CDKN2B: variants seen among roughly 807,000 people sequenced by gnomAD.
CDKN2B encodes the protein cyclin dependent kinase inhibitor 2B.
In CDKN2B, 8 loss-of-function variants were observed where a neutral mutation model predicts 7.7. That is an observed-to-expected ratio of 1.04 (90% confidence interval 0.61 to 1.87). The LOEUF is 1.87. CDKN2B is among the 40% of genes most tolerant of loss of function. CDKN2B has a pLI of 0.00. For missense variants in CDKN2B, 244 were observed against 213.1 expected, an observed-to-expected ratio of 1.15 and a Z score of -0.90; for synonymous variants, 93 against 95.8, an observed-to-expected ratio of 0.97 and a Z score of 0.17.
In CDKN2B at chr9:22,003,859, G is replaced by A. The variant is rs918504051; in HGVS notation, c.*2128C>T. ...AAAGCCACCTTAGGAGCTTACAAGGGAGATCATTGTGTATTTCTGCTTTTT... is the reference window on the plus strand; with the variant it reads ...AAAGCCACCTTAGGAGCTTACAAGGAAGATCATTGTGTATTTCTGCTTTTT... On this transcript the variant is annotated 3_prime_UTR_variant, in exon 2 of 2. Coordinates refer to ENST00000276925, the MANE Select transcript of CDKN2B (RefSeq NM_004936.4). 4.3e-6 allele frequency: 1 copy of A among 232,194 alleles called. No homozygotes were observed. The highest frequency in any genetic ancestry group is 8.5e-6 in the Non-Finnish European group (1 of 117,540). 14.4% of individuals were successfully genotyped at this position (232,194 alleles called of 1,614,324 possible).
intron 1 of CDKN2B, chr9:22,008,587 C>G: frequency 7.0e-7 from 1 of 1,419,008 alleles, no homozygotes; most frequent in Non-Finnish European, 9.5e-7. Flanking sequence ...ACAAAAACCA[C>G]TAAAAAAAGC....
chr9:22,008,768 C>A, intron 1 of CDKN2B, 30 bp downstream of exon 1: 1 of 1,609,582 alleles, frequency 6.2e-7, no homozygotes, highest in Non-Finnish European at 8.5e-7. Flanking sequence ...CGCGCGCCCC[C>A]TGCCGGCGAG....
At chr9:22,008,110 G>A (rs1272770899) in intron 1 of CDKN2B, among the ~76,000 whole-genome samples, 1 of 152,196 alleles carries the variant, frequency 6.6e-6, no homozygotes, top group Non-Finnish European at 1.5e-5. Context: ...TTTTAACAAT[G>A]AAGATAAAGA....
rs1433964368 is a variant in CDKN2B, at chr9:22,004,708, T to C, written c.*1279A>G. The C allele has an allele frequency of 1.3e-5, 3 of 232,804 alleles. No individual in the cohort carries two copies. Among genetic ancestry groups the C allele is most frequent in the African/African-American group, 6.6e-5 (3 of 45,344 alleles). The allele number at this position is 232,804 out of a possible 1,614,324, so 14.4% of individuals were successfully genotyped here. On this transcript the variant is annotated 3_prime_UTR_variant, in exon 2 of 2. Transcript: ENST00000276925. ...TAGTAGGACATCCCACGAGCCATCA[T>C]ATATTTTCAAGTTTTTATACTCAAT...
At position 22,005,186 on chromosome 9, in the gene CDKN2B, C is replaced by G. The variant is rs1821108568; in HGVS notation, c.*801G>C. On this transcript the variant is annotated 3_prime_UTR_variant, in exon 2 of 2. Coordinates refer to ENST00000276925, the MANE Select transcript of CDKN2B (RefSeq NM_004936.4). This position sits in a 1 kb window ranked among gnomAD's most constrained non-coding sequence, Gnocchi z 4.9. ...AACCGTTACAATTGCTCTCACTCCA[C>G]TCCACCACCTCATCCTGTGTAGTCT... 8.6e-6 allele frequency: 2 copies of G among 233,490 alleles called. No individual in the cohort carries two copies. The highest frequency in any genetic ancestry group is 1.7e-5 in the Non-Finnish European group (2 of 118,328). 14.5% of individuals were successfully genotyped at this position (233,490 alleles called of 1,614,324 possible).
At position 22,003,350 on chromosome 9, in the gene CDKN2B, T is replaced by C; in HGVS notation, c.*2637A>G. ...GTGGGATCCACAATAACATTTTCTT[T>C]AGTTTCCCTTAATATCAGGTTGTCA... On this transcript the variant is annotated 3_prime_UTR_variant, in exon 2 of 2. Transcript: ENST00000276925. The C allele has an allele frequency of 4.5e-6, 1 of 223,886 alleles. No homozygotes were observed. Among genetic ancestry groups the C allele is most frequent in the Non-Finnish European group, 8.9e-6 (1 of 112,350 alleles). 13.9% of individuals were successfully genotyped at this position (223,886 alleles called of 1,614,324 possible). A position where few individuals can be genotyped will look rare whatever the true frequency, so the allele number is the denominator to read the frequency against.
Position 22,004,264 on chromosome 9 carries a change from T to G in CDKN2B, c.*1723A>C, listed in dbSNP as rs1821060346. 1 of 232,564 alleles carries G rather than the reference T, an allele frequency of 4.3e-6. No homozygotes were observed. The highest frequency in any genetic ancestry group is 8.5e-6 in the Non-Finnish European group (1 of 117,676). The allele number at this position is 232,564 out of a possible 1,614,324, so 14.4% of individuals were successfully genotyped here. ...GGTAGAGAAGTAAAGATTTGTGTAT[T>G]CAACTCAAATGTACTCCTTCTTATA... On this transcript the variant is annotated 3_prime_UTR_variant, in exon 2 of 2. Coordinates refer to ENST00000276925, the MANE Select transcript of CDKN2B (RefSeq NM_004936.4).
rs1380042367 is a variant in CDKN2B, at chr9:22,004,475, G to A, written c.*1512C>T. 4.3e-6 allele frequency: 1 copy of A among 232,486 alleles called. No individual in the cohort carries two copies. The highest frequency in any genetic ancestry group is 8.5e-6 in the Non-Finnish European group (1 of 117,688). 14.4% of individuals were successfully genotyped at this position (232,486 alleles called of 1,614,324 possible). A position where few individuals can be genotyped will look rare whatever the true frequency, so the allele number is the denominator to read the frequency against. On this transcript the variant is annotated 3_prime_UTR_variant, in exon 2 of 2. Transcript: ENST00000276925. Reference sequence around the variant, plus strand: ...GCAATTATTACAAACATTGAGAGAAGGGAACCCCTGTGAACCTTTAACATT... The same window carrying A: ...GCAATTATTACAAACATTGAGAGAAAGGAACCCCTGTGAACCTTTAACATT...
At position 22,008,831 on chromosome 9, in the gene CDKN2B, G is replaced by C; in HGVS notation, c.123C>G (p.Asn41Lys). ...RQLLEAGADPNGVNRFGRRAI... is the reference protein window; with the variant it reads ...RQLLEAGADPKGVNRFGRRAI... Reference sequence around the variant, plus strand: ...CGCGCCTCCCGAAACGGTTGACTCCGTTGGGATCCGCGCCGGCTTCCAGGA... The same window carrying C: ...CGCGCCTCCCGAAACGGTTGACTCCCTTGGGATCCGCGCCGGCTTCCAGGA... The change falls in exon 1 of 2, where the codon AAC becomes AAG. Residue 41 changes from asparagine to lysine, a missense_variant. Coordinates refer to ENST00000276925, the MANE Select transcript of CDKN2B (RefSeq NM_004936.4). The C allele has an allele frequency of 6.2e-7, 1 of 1,608,466 alleles. No homozygotes were observed. Among genetic ancestry groups the C allele is most frequent in the Non-Finnish European group, 8.5e-7 (1 of 1,177,714 alleles).
At position 22,004,900 on chromosome 9, in the gene CDKN2B, G is replaced by C. The variant is rs1821088793; in HGVS notation, c.*1087C>G. ...TTTAACAAAGAAATAAATAGGTTAA[G>C]AAGAAAGCAATCTAGGCGTTTGCAC... On this transcript the variant is annotated 3_prime_UTR_variant, in exon 2 of 2. Transcript: ENST00000276925. 1 of 233,268 alleles carries C rather than the reference G, an allele frequency of 4.3e-6. No homozygotes were observed. Among genetic ancestry groups the C allele is most frequent in the East Asian group, 6.0e-5 (1 of 16,578 alleles). The allele number at this position is 233,268 out of a possible 1,614,324, so 14.4% of individuals were successfully genotyped here. A position where few individuals can be genotyped will look rare whatever the true frequency, so the allele number is the denominator to read the frequency against.
chr9:22,005,871 GCAGGCTTA>G lies in CDKN2B; in HGVS notation c.*108_*115del, dbSNP rs1284322799. 15 of 1,376,274 alleles carry G rather than the reference GCAGGCTTA, an allele frequency of 1.1e-5. No homozygotes were observed. The highest frequency in any genetic ancestry group is 1.4e-5 in the Non-Finnish European group (14 of 1,003,776). 85.3% of individuals were successfully genotyped at this position (1,376,274 alleles called of 1,614,324 possible). On this transcript the variant is annotated 3_prime_UTR_variant, in exon 2 of 2. Transcript: ENST00000276925. The surrounding 1 kb of genome is among the most constrained non-coding windows in gnomAD (Gnocchi z 4.9). The stretch of plus-strand genomic sequence containing the variant: ...CTTCCTGTGAGTCTCAGACAGGCTT[GCAGGCTTA>G]CAGGCTTTCCGCCGCTCCCCGTTGG...
Position 22,005,788 on chromosome 9 carries a change from G to A in CDKN2B, c.*199C>T. 1 of 666,072 alleles carries A rather than the reference G, an allele frequency of 1.5e-6. No individual in the cohort carries two copies. The highest frequency in any genetic ancestry group is 1.8e-5 in the South Asian group (1 of 55,470). 41.3% of individuals were successfully genotyped at this position (666,072 alleles called of 1,614,324 possible). The stretch of plus-strand genomic sequence containing the variant: ...TGTGTTTCGCTTCATGGTGAGTGTC[G>A]AGGGCCAGATAAGACAAAGAAAAAA... On this transcript the variant is annotated 3_prime_UTR_variant, in exon 2 of 2. Coordinates refer to ENST00000276925, the MANE Select transcript of CDKN2B (RefSeq NM_004936.4). This position sits in a 1 kb window ranked among gnomAD's most constrained non-coding sequence, Gnocchi z 4.9.
chr9:22,008,629 A>C (rs1379301504), intron 1 of CDKN2B, 169 bp downstream of exon 1: 1 of 1,581,208 alleles, frequency 6.3e-7, no homozygotes, highest in Non-Finnish European at 8.6e-7. Flanking sequence ...GTCTCTCTTT[A>C]GGATTTTTGC....
In CDKN2B at chr9:22,008,822, G is replaced by A. The variant is rs2131190028; in HGVS notation, c.132C>T (p.Asn44=). The A allele has an allele frequency of 1.2e-6, 2 of 1,607,232 alleles. No individual in the cohort carries two copies. Among genetic ancestry groups the A allele is most frequent in the Non-Finnish European group, 8.5e-7 (1 of 1,176,960 alleles). The part of the protein sequence containing the change: ...LEAGADPNGV[N]RFGRRAIQVM... ...CCTGGATCGCGCGCCTCCCGAAACG[G>A]TTGACTCCGTTGGGATCCGCGCCGG... The change falls in exon 1 of 2, where the codon AAC becomes AAT. Residue 44 remains asparagine (N), a synonymous_variant. Coordinates refer to ENST00000276925, the MANE Select transcript of CDKN2B (RefSeq NM_004936.4).
rs1587374331 is a variant in CDKN2B at position 22,003,059 on chromosome 9, G to T, written c.*2928C>A. 1 of 212,504 alleles carries T rather than the reference G, an allele frequency of 4.7e-6. No homozygotes were observed. Among genetic ancestry groups the T allele is most frequent in the East Asian group, 7.1e-5 (1 of 14,076 alleles). The allele number at this position is 212,504 out of a possible 1,614,324, so 13.2% of individuals were successfully genotyped here. On this transcript the variant is annotated 3_prime_UTR_variant, in exon 2 of 2. Coordinates refer to ENST00000276925, the MANE Select transcript of CDKN2B (RefSeq NM_004936.4). Reference sequence around the variant, plus strand: ...TATTCCACAATGGAGCTAGAAGCAGGACTCATGAAAATAGTAACTATATGT... The same window carrying T: ...TATTCCACAATGGAGCTAGAAGCAGTACTCATGAAAATAGTAACTATATGT...
intron 1 of CDKN2B, among the ~76,000 whole-genome samples, chr9:22,008,281 T>C (rs996105062): frequency 6.6e-6 from 1 of 152,194 alleles, no homozygotes; most frequent in African/African-American, 2.4e-5. Context: ...ACTGCTAACA[T>C]AAAAGGAACT....
At position 22,003,988 on chromosome 9, in the gene CDKN2B, G is replaced by A. The variant is rs2131174211; in HGVS notation, c.*1999C>T. ...ACCATAATCAGCTGTGGAACTAGAT[G>A]CACTTCTTTGTGCATCCATGGAATG... On this transcript the variant is annotated 3_prime_UTR_variant, in exon 2 of 2. Transcript: ENST00000276925. The A allele has an allele frequency of 8.6e-6, 2 of 232,756 alleles. No individual in the cohort carries two copies. The highest frequency in any genetic ancestry group is 3.6e-4 in the South Asian group (2 of 5,524). 14.4% of individuals were successfully genotyped at this position (232,756 alleles called of 1,614,324 possible).
rs958270035 is a variant in CDKN2B at position 22,009,051 on chromosome 9, C to T, written c.-98G>A. Reference sequence around the variant, plus strand: ...CTTTCCCACGCTGCTCCGGCGCACTCTCTCCTTCCTAGGAGACCTGGGCTC... The same window carrying T: ...CTTTCCCACGCTGCTCCGGCGCACTTTCTCCTTCCTAGGAGACCTGGGCTC... On this transcript the variant is annotated 5_prime_UTR_variant, in exon 1 of 2. Coordinates refer to ENST00000276925, the MANE Select transcript of CDKN2B (RefSeq NM_004936.4). 7 of 1,566,730 alleles carry T rather than the reference C, an allele frequency of 4.5e-6. No individual in the cohort carries two copies. In the African/African-American group the frequency reaches 6.7e-5, roughly 15 times the overall value.
In CDKN2B at chr9:22,003,307, A is replaced by C. The variant is rs1563911045; in HGVS notation, c.*2680T>G. The C allele has an allele frequency of 9.1e-6, 2 of 220,792 alleles. No homozygotes were observed. Among genetic ancestry groups the C allele is most frequent in the East Asian group, 1.4e-4 (2 of 14,716 alleles). The allele number at this position is 220,792 out of a possible 1,614,324, so 13.7% of individuals were successfully genotyped here. The stretch of plus-strand genomic sequence containing the variant: ...AAAACTAACAAAACAAACAAAAAAA[A>C]CAGTGTAATATAGTACTGTGGGATC... On this transcript the variant is annotated 3_prime_UTR_variant, in exon 2 of 2. Coordinates refer to ENST00000276925, the MANE Select transcript of CDKN2B (RefSeq NM_004936.4).
Sources: allele counts gnomAD v4.1 joint callset (sites outside exome capture counted in the v4.1 genomes callset), GRCh38; gene constraint gnomAD v4.1.1; non-coding constraint Gnocchi (gnomAD v3.1); transcripts MANE v1.5; gene names NCBI Gene and HGNC (gene_info 2026-07-23, HGNC 2026-07-21).